The following C16orf96 variants were observed in gnomAD, a reference collection of about 807,000 sequenced individuals.
The protein encoded by C16orf96 is uncharacterized protein C16orf96.
Under a neutral mutation model 103.6 loss-of-function variants are expected in C16orf96, and 108 were observed. That is an observed-to-expected ratio of 1.04 (90% CI 0.89 to 1.22). The LOEUF is 1.22. C16orf96 is among the 50% of genes most tolerant of loss of function. The pLI, the probability that C16orf96 is intolerant of heterozygous loss-of-function variation, is 0.00. For synonymous variants in C16orf96, 566 were observed against 593.5 expected (o/e 0.95, Z 0.67); for missense variants, 1,586 against 1,464.2 (o/e 1.08, Z -1.36).
chr16:4,599,353 C>G lies in C16orf96; in HGVS notation c.3197C>G (p.Ala1066Gly). 3.2e-6 allele frequency: 5 copies of G among 1,551,610 alleles called. No individual in the cohort carries two copies. Among genetic ancestry groups the G allele is most frequent in the Non-Finnish European group, 3.5e-6 (4 of 1,146,882 alleles). ...DRVHSSALFG[A>G]ICPPLCPRSS... ...GTGCACTCCAGTGCCCTATTTGGCG[C>G]CATCTGCCCCCGTGAGTACCTGGTT... Residue 1066 changes from alanine (A) to glycine (G), a missense_variant, in exon 15 of 16, where the codon GCC (alanine) becomes GGC (glycine). Physicochemically the swap from Ala to Gly is moderately conservative, Grantham distance 60. Coordinates refer to ENST00000444310, the MANE Select transcript of C16orf96 (RefSeq NM_001145011.2).
intron 10 of C16orf96, 126 bp downstream of exon 10, chr16:4,591,910 C>G (rs1897068036): frequency 1.3e-6 from 1 of 766,820 alleles, no homozygotes; most frequent in African/African-American, 1.7e-5. Flanking sequence ...TTGGCTGTGG[C>G]TGAAAGCACT....
intron 1 of C16orf96, chr16:4,559,990 T>G (rs2059310800): frequency 6.6e-6 from 1 of 152,124 alleles, no homozygotes; most frequent in Non-Finnish European, 1.5e-5. Flanking sequence ...ACATACCAAA[T>G]GCCCTCAAAT....
the C16orf96 span, among the ~76,000 whole-genome samples, chr16:4,540,050 G>A: frequency 6.6e-6 from 1 of 152,224 alleles, no homozygotes; most frequent in African/African-American, 2.4e-5. Context: ...AGCCAGCTCT[G>A]TGTGGATTAA....
the C16orf96 span, among the ~76,000 whole-genome samples, chr16:4,544,847 G>A: frequency 2.0e-5 from 3 of 152,010 alleles, no homozygotes; most frequent in Admixed American, 6.6e-5. Context: ...TGCTGTTGAC[G>A]GGAACTGGGG....
chr16:4,540,323 A>T, the C16orf96 span, among the ~76,000 whole-genome samples: 1 of 152,192 alleles, frequency 6.6e-6, no homozygotes, highest in East Asian at 1.9e-4. Context: ...TTGAAAAGAC[A>T]TTCTATTCTG....
chr16:4,559,982 A>G (rs1256266498), intron 1 of C16orf96: 3 of 152,184 alleles, frequency 2.0e-5, no homozygotes, highest in South Asian at 4.2e-4. Flanking sequence ...AGTGGTGTAC[A>G]TACCAAATGC....
chr16:4,568,411 A>G (rs1342145746), intron 1 of C16orf96, among the ~76,000 whole-genome samples: 1 of 151,814 alleles, frequency 6.6e-6, no homozygotes, highest in Non-Finnish European at 1.5e-5. Flanking sequence ...TAGTTGGTTT[A>G]TACTATTGTT....
At chr16:4,555,870 A>T (rs756814445), upstream of C16orf96, among the ~76,000 whole-genome samples, 1 of 147,132 alleles carries the variant, frequency 6.8e-6, no homozygotes, top group Admixed American at 6.8e-5. Flanking sequence ...CTAATTACAA[A>T]TTTTTTTTTG....
chr16:4,540,918 ATT>A, the C16orf96 span, among the ~76,000 whole-genome samples: 12 of 128,626 alleles, frequency 9.3e-5, no homozygotes, highest in Admixed American at 8.0e-5. Context: ...TGCAGTTTGG[ATT>A]TTTTTTTTTT....
chr16:4,554,918 C>T (rs550279530), upstream of C16orf96, among the ~76,000 whole-genome samples: 3 of 151,984 alleles, frequency 2.0e-5, no homozygotes, highest in Admixed American at 6.5e-5. Context: ...CGTGAGCCAC[C>T]GCGCCCAGCC....
At chr16:4,567,503 GT>G (rs2059394370) in intron 1 of C16orf96, among the ~76,000 whole-genome samples, 1 of 150,900 alleles carries the variant, frequency 6.6e-6, no homozygotes, top group African/African-American at 2.4e-5. Flanking sequence ...AGCCAGGATG[GT>G]TTTGATCTGA....
intron 9 of C16orf96, among the ~76,000 whole-genome samples, chr16:4,589,866 G>A (rs1381217797): frequency 1.3e-5 from 2 of 151,892 alleles, no homozygotes; most frequent in Non-Finnish European, 2.9e-5. Context: ...GCTCACGCCT[G>A]TAATCCCAGC....
chr16:4,570,423 G>T (rs919958574), intron 1 of C16orf96, among the ~76,000 whole-genome samples: 1 of 148,696 alleles, frequency 6.7e-6, no homozygotes, highest in African/African-American at 2.5e-5. Flanking sequence ...CCTCTGAGTG[G>T]AAAAAAACTC....
chr16:4,590,559 CA>C (rs896883684), intron 9 of C16orf96, among the ~76,000 whole-genome samples: 2 of 149,604 alleles, frequency 1.3e-5, no homozygotes, highest in Non-Finnish European at 3.0e-5. Context: ...AACTCTGTCT[CA>C]AAAATAAATA....
chr16:4,550,208 C>T, the C16orf96 span, among the ~76,000 whole-genome samples: 1 of 152,016 alleles, frequency 6.6e-6, no homozygotes, highest in South Asian at 2.1e-4. Flanking sequence ...CCTCAGCCTC[C>T]CAAGTAGCTA....
intron 1 of C16orf96, among the ~76,000 whole-genome samples, chr16:4,559,558 A>AAG (rs1555504353): frequency 8.6e-5 from 13 of 151,284 alleles, no homozygotes; most frequent in Non-Finnish European, 1.8e-4. Context: ...CTCAAAAAAA[A>AAG]AAAATTAAAA....
intron 1 of C16orf96, among the ~76,000 whole-genome samples, chr16:4,566,199 C>A (rs181582667): frequency 6.6e-6 from 1 of 152,248 alleles, no homozygotes; most frequent in East Asian, 1.9e-4. Context: ...TGGGAATATA[C>A]CTAGGATTAG....
At chr16:4,589,368 C>T (rs1391574358) in intron 9 of C16orf96, among the ~76,000 whole-genome samples, 2 of 150,868 alleles carry the variant, frequency 1.3e-5, no homozygotes, top group East Asian at 2.0e-4. Context: ...CACTTGAGCC[C>T]AGGAGTTCAA....
At chr16:4,542,301 A>C in the C16orf96 span, among the ~76,000 whole-genome samples, 1 of 151,848 alleles carries the variant, frequency 6.6e-6, no homozygotes, top group Non-Finnish European at 1.5e-5. Flanking sequence ...GGAGTTTGAG[A>C]CTGCAGTGAG....
Sources: allele counts gnomAD v4.1 joint callset (sites outside exome capture counted in the v4.1 genomes callset), GRCh38; gene constraint gnomAD v4.1.1; transcripts MANE v1.5; gene names NCBI Gene and HGNC (gene_info 2026-07-23, HGNC 2026-07-21).